DPP6: variants seen among roughly 807,000 people sequenced by gnomAD.
DPP6 encodes dipeptidyl peptidase like 6.
A neutral mutation model predicts 122.6 loss-of-function variants in DPP6; 69 were observed. The observed-to-expected ratio is 0.56, with a 90% CI of 0.46 to 0.69. DPP6 has a LOEUF of 0.69. Among genes scored for constraint, DPP6 ranks in the 30% least tolerant of loss-of-function variants. The pLI, the probability that DPP6 is intolerant of heterozygous loss-of-function variation, is 0.00. For missense variants in DPP6, 928 were observed against 1,116.9 expected (o/e 0.83, Z 2.41); for synonymous variants, 418 against 433.1 (o/e 0.97, Z 0.43).
chr7:154,301,392 C>T (rs1246925669), intron 1 of DPP6, among the ~76,000 whole-genome samples: 1 of 152,148 alleles, frequency 6.6e-6, no homozygotes, highest in African/African-American at 2.4e-5. Context: ...CTCAAGTCTT[C>T]TCTGAGTTGC....
intron 1 of DPP6, among the ~76,000 whole-genome samples, chr7:154,261,266 C>T (rs28837151): frequency 0.01 from 1,577 of 152,280 alleles, 30 homozygotes; most frequent in African/African-American, 0.036. Flanking sequence ...TTTTCACCAG[C>T]AGTGTAGAAG....
chr7:154,647,029 G>T (rs1173416434), intron 6 of DPP6, among the ~76,000 whole-genome samples: 5 of 152,176 alleles, frequency 3.3e-5, no homozygotes, highest in Admixed American at 6.5e-5. Flanking sequence ...TCCTCATTTG[G>T]TCAGGCTCCT....
chr7:154,147,587 C>T (rs1225724531), intron 1 of DPP6, among the ~76,000 whole-genome samples: 1 of 151,966 alleles, frequency 6.6e-6, no homozygotes. Context: ...ACAAGTGATT[C>T]TCCTGCCTCA....
chr7:153,846,995 T>A, the DPP6 span, among the ~76,000 whole-genome samples: 3 of 152,176 alleles, frequency 2.0e-5, 1 homozygote, highest in Admixed American at 2.0e-4. Flanking sequence ...CTGGTTCTTT[T>A]TTAAAAATAT....
chr7:154,135,411 A>G (rs1338084360), intron 1 of DPP6, among the ~76,000 whole-genome samples: 8 of 146,594 alleles, frequency 5.5e-5, no homozygotes, highest in Non-Finnish European at 7.5e-5. Context: ...CCTCCTATCT[A>G]TGCACTTCCT....
chr7:154,341,600 A>G (rs902164822), intron 1 of DPP6, among the ~76,000 whole-genome samples: 6 of 151,912 alleles, frequency 3.9e-5, no homozygotes, highest in Middle Eastern at 3.4e-3. Context: ...TTATTGTTCA[A>G]GAAATTGAAT....
intron 6 of DPP6, among the ~76,000 whole-genome samples, chr7:154,639,104 G>A (rs1298657661): frequency 6.6e-6 from 1 of 152,178 alleles, no homozygotes; most frequent in Non-Finnish European, 1.5e-5. Context: ...GTTTATAGCT[G>A]CTGCTCTCTG....
intron 1 of DPP6, among the ~76,000 whole-genome samples, chr7:154,389,684 T>C (rs1373305663): frequency 6.6e-6 from 1 of 151,276 alleles, no homozygotes; most frequent in Non-Finnish European, 1.5e-5. Flanking sequence ...CTTGAAGATG[T>C]ACAACATAGT....
chr7:154,102,926 G>A lies in DPP6; in HGVS notation c.243+49863G>A, dbSNP rs142306208. Among the ~76,000 whole-genome samples, 19 of 152,194 alleles carry A rather than the reference G, an allele frequency of 1.2e-4. No individual in the cohort carries two copies. The East Asian group carries it at 3.1e-3, about 25-fold the overall frequency. Reference sequence around the variant, plus strand: ...GTCATGTTCCACTCAACATGTGATCGGATTTTGAGAGCAGTGAACAGGGTG... The same window carrying A: ...GTCATGTTCCACTCAACATGTGATCAGATTTTGAGAGCAGTGAACAGGGTG... On this transcript the variant is annotated intron_variant, in intron 1 of 25. Transcript: ENST00000377770.
At chr7:154,369,941 T>C (rs1812501265) in intron 1 of DPP6, among the ~76,000 whole-genome samples, 1 of 151,960 alleles carries the variant, frequency 6.6e-6, no homozygotes, top group South Asian at 2.1e-4. Context: ...AAACACATCA[T>C]ATTCATGGGA....
chr7:153,915,130 C>A (rs1452559529), intron 1 of DPP6, among the ~76,000 whole-genome samples: 8 of 152,296 alleles, frequency 5.3e-5, no homozygotes, highest in Admixed American at 4.6e-4. Flanking sequence ...GAACATCAGG[C>A]TTAAAGCTTG....
At chr7:153,993,332 C>G (rs190264985) in intron 1 of DPP6, among the ~76,000 whole-genome samples, 1 of 152,292 alleles carries the variant, frequency 6.6e-6, no homozygotes. Flanking sequence ...AGGCTGTCCC[C>G]CTGTGTCTTC....
Position 154,209,593 on chromosome 7 carries a change from A to G in DPP6, c.243+156530A>G, listed in dbSNP as rs1799631399. ...CTTCAGCTGCGACTGAAAAAGATCC[A>G]GTGATACCAAGCGTACCTAGTTTCC... On this transcript the variant is annotated intron_variant, in intron 1 of 25. Coordinates refer to ENST00000377770, the MANE Select transcript of DPP6 (RefSeq NM_130797.4). Among the ~76,000 whole-genome samples, 5 of 151,992 alleles carry G rather than the reference A, an allele frequency of 3.3e-5. No homozygotes were observed. In the South Asian group the frequency reaches 1.0e-3, roughly 32 times the overall value.
intron 1 of DPP6, among the ~76,000 whole-genome samples, chr7:153,952,644 A>G (rs566460345): frequency 5.9e-5 from 9 of 152,336 alleles, no homozygotes; most frequent in African/African-American, 2.2e-4. Flanking sequence ...GAAAATCTTG[A>G]GTCCTTCCAG....
At chr7:153,791,860 A>C in the DPP6 span, among the ~76,000 whole-genome samples, 1 of 152,240 alleles carries the variant, frequency 6.6e-6, no homozygotes, top group Non-Finnish European at 1.5e-5. Context: ...AGACAAGGCT[A>C]TTTCTGTGTA....
chr7:154,412,118 C>A (rs1816656413), intron 1 of DPP6, among the ~76,000 whole-genome samples: 1 of 152,132 alleles, frequency 6.6e-6, no homozygotes, highest in African/African-American at 2.4e-5. Context: ...TGTGGGGTCT[C>A]TTTTATCAGG....
Position 154,079,153 on chromosome 7 carries a change from C to G in DPP6, c.243+26090C>G, listed in dbSNP as rs1427155876. On this transcript the variant is annotated intron_variant, in intron 1 of 25. Transcript: ENST00000377770. ...ATGCCCACAGTGAGCTGAGATCGCA[C>G]CACTGTACTCCATCCTGGGGGACAG... Among the ~76,000 whole-genome samples the G allele has an allele frequency of 1.4e-4, 21 of 152,008 alleles. 1 individual carries two copies. Among genetic ancestry groups the G allele is most frequent in the Non-Finnish European group, 8.8e-5 (6 of 68,022 alleles).
At chr7:154,806,581 T>G (rs1798710466) in intron 15 of DPP6, among the ~76,000 whole-genome samples, 1 of 152,180 alleles carries the variant, frequency 6.6e-6, no homozygotes, top group African/African-American at 2.4e-5. Context: ...CCCAGATAAT[T>G]TGAAGATATG....
intron 1 of DPP6, among the ~76,000 whole-genome samples, chr7:154,207,532 C>T (rs1799512680): frequency 6.6e-6 from 1 of 152,188 alleles, no homozygotes; most frequent in African/African-American, 2.4e-5. Flanking sequence ...CCTCTGAAGA[C>T]CAGAGGCATT....
Sources: gnomAD v4.1 joint callset for allele counts (sites outside exome capture counted in the v4.1 genomes callset) on GRCh38, gnomAD v4.1.1 for gene constraint, MANE v1.5 for transcripts, NCBI Gene and HGNC (gene_info 2026-07-23, HGNC 2026-07-21) for gene names.